Variants in ATP2C1 observed in about 807,000 individuals in gnomAD.
ATP2C1 encodes the protein calcium-transporting ATPase type 2C member 1.
Under a neutral mutation model 120.5 loss-of-function variants are expected in ATP2C1, and 31 were observed. That is an observed-to-expected ratio of 0.26 (90% CI 0.19 to 0.35). The LOEUF is 0.35. Among genes scored for constraint, ATP2C1 ranks in the 10% least tolerant of loss-of-function variants. ATP2C1 has a pLI of 1.00. For synonymous variants in ATP2C1, 351 were observed against 358.7 expected (o/e 0.98, Z 0.24); for missense variants, 731 against 1,107.5 (o/e 0.66, Z 4.83).
intron 2 of ATP2C1, among the ~76,000 whole-genome samples, chr3:130,916,056 T>G (rs949544866): frequency 6.6e-6 from 1 of 152,174 alleles, no homozygotes; most frequent in Non-Finnish European, 1.5e-5. Flanking sequence ...AGGATTCTTA[T>G]AGTCTCCTAT....
intron 8 of ATP2C1, among the ~76,000 whole-genome samples, chr3:130,948,436 TG>T (rs199750591): frequency 0.027 from 4,097 of 152,224 alleles, 187 homozygotes; most frequent in African/African-American, 0.093. Flanking sequence ...AATTCTGTTA[TG>T]TGATAAGTTG....
intron 1 of ATP2C1, among the ~76,000 whole-genome samples, chr3:130,882,986 TC>T (rs1279411499): frequency 6.6e-6 from 1 of 152,234 alleles, no homozygotes; most frequent in Non-Finnish European, 1.5e-5. Context: ...CCCAAGCTTT[TC>T]TTTGCTGGAA....
downstream of ATP2C1, among the ~76,000 whole-genome samples, chr3:131,003,737 A>G (rs536266681): frequency 2.3e-4 from 35 of 152,308 alleles, no homozygotes; most frequent in African/African-American, 7.9e-4. Flanking sequence ...TTTACCTGCC[A>G]TGCCCATGTA....
intron 8 of ATP2C1, among the ~76,000 whole-genome samples, chr3:130,950,553 C>T (rs927006707): frequency 6.6e-6 from 1 of 151,952 alleles, no homozygotes; most frequent in East Asian, 1.9e-4. Context: ...AAACTACTTC[C>T]TAGGAAAACT....
At position 130,964,458 on chromosome 3, in the gene ATP2C1, G is replaced by A. The variant is rs567531676; in HGVS notation, c.1024+363G>A. Among the ~76,000 whole-genome samples the A allele has an allele frequency of 6.6e-5, 10 of 152,102 alleles. No individual in the cohort carries two copies. The South Asian group carries it at 8.3e-4, about 13-fold the overall frequency. On this transcript the variant is annotated intron_variant, in intron 13 of 27. Transcript: ENST00000510168. Reference sequence around the variant, plus strand: ...ATACTTGAGTTGAATTTGCCTGTAAGAACAGTAAATTTACAGTAGTTATAT... The same window carrying A: ...ATACTTGAGTTGAATTTGCCTGTAAAAACAGTAAATTTACAGTAGTTATAT...
intron 2 of ATP2C1, chr3:130,899,288 C>T (rs1252318178): frequency 6.6e-6 from 1 of 152,152 alleles, no homozygotes; most frequent in African/African-American, 2.4e-5. Context: ...TACTAATAGT[C>T]TCTACTGTTG....
intron 8 of ATP2C1, among the ~76,000 whole-genome samples, chr3:130,944,930 A>G (rs975350626): frequency 1.3e-5 from 2 of 152,202 alleles, no homozygotes; most frequent in Non-Finnish European, 2.9e-5. Context: ...TCATCTCTAG[A>G]TTACTTATAA....
intron 18 of ATP2C1, among the ~76,000 whole-genome samples, chr3:130,976,663 A>G (rs929794057): frequency 6.6e-6 from 1 of 152,154 alleles, no homozygotes; most frequent in African/African-American, 2.4e-5. Flanking sequence ...GTTTCATCCC[A>G]AAGGCCTGAA....
intron 2 of ATP2C1, among the ~76,000 whole-genome samples, chr3:130,923,154 A>G (rs2059040413): frequency 6.6e-6 from 1 of 151,796 alleles, no homozygotes; most frequent in Admixed American, 6.6e-5. Context: ...TGTTAGGTGC[A>G]TATATATTTA....
chr3:130,879,771 G>A (rs1482735172), intron 1 of ATP2C1, among the ~76,000 whole-genome samples: 2 of 152,096 alleles, frequency 1.3e-5, no homozygotes, highest in African/African-American at 2.4e-5. Context: ...GGGTGGGTGC[G>A]ATAGTACAGT....
chr3:130,863,553 C>T (rs2068080197), intron 1 of ATP2C1, among the ~76,000 whole-genome samples: 1 of 152,166 alleles, frequency 6.6e-6, no homozygotes, highest in African/African-American at 2.4e-5. Flanking sequence ...TGTAATCAAG[C>T]TTTTGCAAAC....
chr3:130,885,708 CGTT>C (rs567052601), intron 1 of ATP2C1, among the ~76,000 whole-genome samples: 279 of 152,128 alleles, frequency 1.8e-3, no homozygotes, highest in African/African-American at 6.5e-3. Context: ...GAAAAGTTGT[CGTT>C]ATCATTTTTG....
In ATP2C1 at chr3:130,995,992, A is replaced by AT. The variant is rs748416778; in HGVS notation, c.2058-46dup. 2.6e-5 allele frequency: 31 copies of AT among 1,203,070 alleles called. No individual in the cohort carries two copies. In the South Asian group the frequency reaches 3.5e-4, roughly 14 times the overall value. The allele number at this position is 1,203,070 out of a possible 1,614,324, so 74.5% of individuals were successfully genotyped here. A position where few individuals can be genotyped will look rare whatever the true frequency, so the allele number is the denominator to read the frequency against. Reference sequence around the variant, plus strand: ...CTCTACAGTGTTTTAGTATAGATACATTTTTGTATGATAATATTTTCTCAC... The same window carrying AT: ...CTCTACAGTGTTTTAGTATAGATACATTTTTTGTATGATAATATTTTCTCAC... On this transcript the variant is annotated intron_variant, in intron 22 of 27. Coordinates refer to ENST00000510168, the MANE Select transcript of ATP2C1 (RefSeq NM_001378687.1).
At chr3:130,993,050 C>G (rs1458728550) in intron 21 of ATP2C1, 49 bp downstream of exon 21, 4 of 1,504,762 alleles carry the variant, frequency 2.7e-6, no homozygotes, top group Admixed American at 1.7e-5. Flanking sequence ...CAAAATGCTG[C>G]TACTTTACTT....
intron 2 of ATP2C1, among the ~76,000 whole-genome samples, chr3:130,907,907 T>C (rs898539399): frequency 1.3e-5 from 2 of 152,054 alleles, no homozygotes; most frequent in African/African-American, 4.8e-5. Context: ...AACATAAGAC[T>C]TTTTGAGTAC....
At chr3:130,893,817 G>A (rs1231106635), upstream of ATP2C1, among the ~76,000 whole-genome samples, 2 of 152,212 alleles carry the variant, frequency 1.3e-5, no homozygotes. Flanking sequence ...GGTAAGGGAG[G>A]CGCCAGCAAG....
At chr3:130,964,874 T>G (rs1328521215) in intron 13 of ATP2C1, 74 bp from the exon 14 acceptor site, 2 of 1,094,688 alleles carry the variant, frequency 1.8e-6, no homozygotes, top group Non-Finnish European at 2.8e-6. Context: ...GATTCTAGTC[T>G]TTGATTTGTT....
intron 1 of ATP2C1, chr3:130,850,978 G>A: frequency 8.5e-6 from 9 of 1,054,050 alleles, no homozygotes; most frequent in Non-Finnish European, 1.1e-5. Context: ...CTTGTTCCTT[G>A]TTGCTTTTAC....
At chr3:130,968,030 A>C (rs1384681708) in intron 16 of ATP2C1, among the ~76,000 whole-genome samples, 2 of 152,192 alleles carry the variant, frequency 1.3e-5, no homozygotes, top group African/African-American at 4.8e-5. Flanking sequence ...CCTACCTTTA[A>C]GAGTATTCAG....
Sources: gnomAD v4.1 joint callset for allele counts (sites outside exome capture counted in the v4.1 genomes callset) on GRCh38, gnomAD v4.1.1 for gene constraint, MANE v1.5 for transcripts, NCBI Gene and HGNC (gene_info 2026-07-23, HGNC 2026-07-21) for gene names.